NUFIP2: variants seen among roughly 807,000 people sequenced by gnomAD.
NUFIP2 encodes the protein nuclear FMR1 interacting protein 2, also known as FMR1-interacting protein NUFIP2.
NUFIP2 carries 6 observed loss-of-function variants against 56.9 expected under a neutral mutation model. That is an observed-to-expected ratio of 0.11 (90% CI 0.06 to 0.21). NUFIP2 has a LOEUF of 0.21. Ranked by LOEUF, NUFIP2 falls within the 10% of genes least tolerant of loss-of-function variation. The pLI is 1.00. For missense variants in NUFIP2, 828 were observed against 826.8 expected, an observed-to-expected ratio of 1.00 and a Z score of -0.02; for synonymous variants, 321 against 298.2, an observed-to-expected ratio of 1.08 and a Z score of -0.79.
At chr17:29,280,196 G>A (rs2069131988) in intron 2 of NUFIP2, among the ~76,000 whole-genome samples, 1 of 152,168 alleles carries the variant, frequency 6.6e-6, no homozygotes. Flanking sequence ...AGCCATGTAA[G>A]ACAGATCAAC....
rs2068988985 is a variant in NUFIP2 at position 29,259,414 on chromosome 17, TCTA to T, written c.*5122_*5124del. 1.3e-5 allele frequency: 2 copies of T among 152,054 alleles called. No individual in the cohort carries two copies. 9.4% of individuals were successfully genotyped at this position (152,054 alleles called of 1,614,324 possible). ...CTGGTCAACATGGTGAAACCCCGTC[TCTA>T]CTAAGAATACAAATTAGCCAGGTGT... On this transcript the variant is annotated 3_prime_UTR_variant, in exon 4 of 4. Transcript: ENST00000225388.
chr17:29,259,572 T>C lies in NUFIP2; in HGVS notation c.*4967A>G, dbSNP rs1392181863. 1.1e-5 allele frequency: 1 copy of C among 88,732 alleles called. No individual in the cohort carries two copies. The highest frequency in any genetic ancestry group is 4.6e-5 in the African/African-American group (1 of 21,598). 5.5% of individuals were successfully genotyped at this position (88,732 alleles called of 1,614,324 possible). A position where few individuals can be genotyped will look rare whatever the true frequency, so the allele number is the denominator to read the frequency against. ...TCCAGCCTGGGCAACAGACAGTCCG[T>C]CTCAAAAAAAAAAAGGTGGGGGGGG... On this transcript the variant is annotated 3_prime_UTR_variant, in exon 4 of 4. Coordinates refer to ENST00000225388, the MANE Select transcript of NUFIP2 (RefSeq NM_020772.3).
In NUFIP2 at chr17:29,286,432, G is replaced by C. The variant is rs1438057403; in HGVS notation, c.1562C>G (p.Thr521Ser). ...FINEPSAGPE[T>S]VTGKSSEHKV... ...ATGCTCTGATGACTTCCCAGTAACA[G>C]TCTCAGGGCCAGCACTGGGCTCATT... The change falls in exon 2 of 4, where the codon ACT becomes AGT. Residue 521 changes from threonine (T) to serine (S), a missense_variant. Transcript: ENST00000225388. 6.2e-7 allele frequency: 1 copy of C among 1,613,938 alleles called. No homozygotes were observed. Among genetic ancestry groups the C allele is most frequent in the Non-Finnish European group, 8.5e-7 (1 of 1,179,958 alleles).
At chr17:29,264,645 G>A (rs879777543) in intron 3 of NUFIP2, 54 bp from the exon 4 acceptor site, 57 of 1,127,296 alleles carry the variant, frequency 5.1e-5, no homozygotes, top group South Asian at 1.4e-4. Context: ...CAAAATGCCC[G>A]TATTCCAATA....
intron 1 of NUFIP2, among the ~76,000 whole-genome samples, chr17:29,291,011 G>C (rs2069208713): frequency 6.9e-6 from 1 of 145,820 alleles, no homozygotes; most frequent in South Asian, 2.1e-4. Context: ...AAGCCACTGT[G>C]CTCCCGCCCG....
rs1235517194 is a variant in NUFIP2 at position 29,261,673 on chromosome 17, T to A, written c.*2866A>T. 2 of 152,514 alleles carry A rather than the reference T, an allele frequency of 1.3e-5. No homozygotes were observed. The highest frequency in any genetic ancestry group is 4.8e-5 in the African/African-American group (2 of 41,404). The allele number at this position is 152,514 out of a possible 1,614,324, so 9.4% of individuals were successfully genotyped here. Reference sequence around the variant, plus strand: ...AATAAGTGCTCTGTAAGGAATTGTGTGAGGACCTAAGGAGAAAGATTGCAA... The same window carrying A: ...AATAAGTGCTCTGTAAGGAATTGTGAGAGGACCTAAGGAGAAAGATTGCAA... On this transcript the variant is annotated 3_prime_UTR_variant, in exon 4 of 4. Transcript: ENST00000225388.
intron 2 of NUFIP2, among the ~76,000 whole-genome samples, chr17:29,272,082 A>AGGGGG (rs2069077013): frequency 1.3e-4 from 1 of 7,618 alleles, no homozygotes. Flanking sequence ...AAGAGAGGGG[A>AGGGGG]GGGGAGGGGA....
intron 2 of NUFIP2, among the ~76,000 whole-genome samples, chr17:29,283,131 C>T (rs2069150310): frequency 6.6e-6 from 1 of 152,076 alleles, no homozygotes; most frequent in South Asian, 2.1e-4. Context: ...TTAATACCAG[C>T]AAAACTAAAT....
chr17:29,258,811 A>C lies in NUFIP2; in HGVS notation c.*5728T>G, dbSNP rs193264698. The C allele has an allele frequency of 2.6e-5, 4 of 152,334 alleles. No individual in the cohort carries two copies. Among genetic ancestry groups the C allele is most frequent in the Non-Finnish European group, 4.4e-5 (3 of 68,032 alleles). 9.4% of individuals were successfully genotyped at this position (152,334 alleles called of 1,614,324 possible). A position where few individuals can be genotyped will look rare whatever the true frequency, so the allele number is the denominator to read the frequency against. ...TATGGTATATGTATGGTATATAGTA[A>C]TGTAAAAAGTGCATCACATTCTTGA... On this transcript the variant is annotated 3_prime_UTR_variant, in exon 4 of 4. Coordinates refer to ENST00000225388, the MANE Select transcript of NUFIP2 (RefSeq NM_020772.3).
chr17:29,280,547 G>A (rs573021917), intron 2 of NUFIP2, among the ~76,000 whole-genome samples: 44 of 152,036 alleles, frequency 2.9e-4, no homozygotes, highest in African/African-American at 1.0e-3. Context: ...GACAACATGG[G>A]TGGTAGCGCA....
Position 29,287,067 on chromosome 17 carries a change from A to C in NUFIP2, c.927T>G (p.Gly309=), listed in dbSNP as rs2069181138. ...GATCATCAAACTTTTTGCTGCTCAC[A>C]CCAGGTTTACTATCTGAGCTTTTCC... The part of the protein sequence containing the change: ...MLRKSSDSKP[G]VSSKKFDDRP... Residue 309 remains glycine (G), a synonymous_variant, in exon 2 of 4, where the codon GGT becomes GGG. Transcript: ENST00000225388. 1.2e-6 allele frequency: 2 copies of C among 1,613,998 alleles called. No individual in the cohort carries two copies. The highest frequency in any genetic ancestry group is 2.7e-5 in the African/African-American group (2 of 74,870).
chr17:29,264,508 C>T lies in NUFIP2; in HGVS notation c.*31G>A, dbSNP rs374136415. 1.2e-4 allele frequency: 182 copies of T among 1,539,268 alleles called. No individual in the cohort carries two copies. The highest frequency in any genetic ancestry group is 1.6e-4 in the Non-Finnish European group (177 of 1,113,260). On this transcript the variant is annotated 3_prime_UTR_variant, in exon 4 of 4. Transcript: ENST00000225388. The stretch of plus-strand genomic sequence containing the variant: ...CCCATGAACGATGGCTCTAATGCTG[C>T]AGAAAGGTTACGAATAGGCAGTCTG...
intron 1 of NUFIP2, 149 bp from the exon 2 acceptor site, chr17:29,287,865 C>T (rs977415656): frequency 4.9e-6 from 4 of 815,602 alleles, no homozygotes; most frequent in Admixed American, 6.1e-5. Context: ...GAGAAGACAC[C>T]TGTCAGCCCC....
intron 1 of NUFIP2, among the ~76,000 whole-genome samples, chr17:29,288,489 CATCT>C (rs2069191608): frequency 6.6e-6 from 1 of 152,226 alleles, no homozygotes; most frequent in South Asian, 2.1e-4. Context: ...GTTTCCAAGG[CATCT>C]ATCAGACAAA....
At chr17:29,292,797 C>CCACCCCAACCGCCCCCGCCCCT (rs2069224585) in intron 1 of NUFIP2, among the ~76,000 whole-genome samples, 1 of 149,318 alleles carries the variant, frequency 6.7e-6, no homozygotes, top group African/African-American at 2.4e-5. Flanking sequence ...CTTCCCTCCC[C>CCACCCCAACCGCCCCCGCCCCT]CACCCCAACC....
At position 29,286,093 on chromosome 17, in the gene NUFIP2, A is replaced by C. The variant is rs933849657; in HGVS notation, c.1901T>G (p.Leu634Trp). The C allele has an allele frequency of 6.2e-7, 1 of 1,614,120 alleles. No individual in the cohort carries two copies. The highest frequency in any genetic ancestry group is 8.5e-7 in the Non-Finnish European group (1 of 1,179,982). The change falls in exon 2 of 4, where the codon TTG becomes TGG. Residue 634 changes from leucine (L) to tryptophan (W), a missense_variant. Physicochemically the swap from Leu to Trp is moderately conservative, Grantham distance 61 (BLOSUM62 -2). Around this residue, in one of 3 missense-constraint regions of NUFIP2, gnomAD observed 404 missense variants for 380.3 expected, o/e 1.06. Transcript: ENST00000225388. ...QNPLASPTNT[L>W]LGSAKEQRYQ... ...TCTCTGTTCTTTGGCAGAGCCTAAC[A>C]AAGTGTTCGTAGGAGAGGCCAGAGG...
At chr17:29,283,579 G>A (rs797963) in intron 2 of NUFIP2, among the ~76,000 whole-genome samples, 62,412 of 151,894 alleles carry the variant, frequency 0.41, 12,819 homozygotes, top group East Asian at 0.54. Context: ...CACCACACTG[G>A]GCCTCCCAGA....
At chr17:29,283,172 T>G (rs544616954) in intron 2 of NUFIP2, among the ~76,000 whole-genome samples, 14 of 152,318 alleles carry the variant, frequency 9.2e-5, no homozygotes, top group African/African-American at 3.1e-4. Context: ...GTATTCAGCT[T>G]ATATAAATAC....
At position 29,260,862 on chromosome 17, in the gene NUFIP2, G is replaced by C. The variant is rs1170626321; in HGVS notation, c.*3677C>G. 6.6e-6 allele frequency: 1 copy of C among 151,946 alleles called. No individual in the cohort carries two copies. Among genetic ancestry groups the C allele is most frequent in the Admixed American group, 6.6e-5 (1 of 15,262 alleles). 9.4% of individuals were successfully genotyped at this position (151,946 alleles called of 1,614,324 possible). On this transcript the variant is annotated 3_prime_UTR_variant, in exon 4 of 4. Coordinates refer to ENST00000225388, the MANE Select transcript of NUFIP2 (RefSeq NM_020772.3). ...CAAAATTCTAAAATGGAGAAACTCT[G>C]GCCATTTATTTCAAAGAAAAAAAAA... is the stretch of plus-strand genomic sequence containing the variant.
Sources: gnomAD v4.1 joint callset for allele counts (sites outside exome capture counted in the v4.1 genomes callset) on GRCh38, gnomAD v4.1.1 for gene constraint, gnomAD v4.1.1 regional missense constraint, MANE v1.5 for transcripts, NCBI Gene and HGNC (gene_info 2026-07-23, HGNC 2026-07-21) for gene names.